Variants in SPTSSB observed in about 807,000 individuals in gnomAD.
The protein encoded by SPTSSB is serine palmitoyltransferase small subunit B.
SPTSSB carries 6 observed loss-of-function variants against 7.7 expected under a neutral mutation model. That is an observed-to-expected ratio of 0.78 (90% confidence interval 0.43 to 1.54). SPTSSB has a LOEUF of 1.54. Ranked by LOEUF, SPTSSB falls within the 40% of genes most tolerant of loss-of-function variation. SPTSSB has a pLI of 0.01. For missense variants in SPTSSB, 91 were observed against 93.0 expected, an observed-to-expected ratio of 0.98 and a Z score of 0.09; for synonymous variants, 28 against 29.7, an observed-to-expected ratio of 0.94 and a Z score of 0.19.
chr3:161,355,919 A>G (rs1468656948), intron 2 of SPTSSB, among the ~76,000 whole-genome samples: 1 of 152,222 alleles, frequency 6.6e-6, no homozygotes, highest in East Asian at 1.9e-4. Context: ...AAACTTTAAA[A>G]CAGTCTGAAT....
At chr3:161,353,449 G>A (rs73878306) in intron 2 of SPTSSB, among the ~76,000 whole-genome samples, 2,902 of 152,132 alleles carry the variant, frequency 0.019, 65 homozygotes, top group East Asian at 0.071. Flanking sequence ...AAATACACAC[G>A]TTTGTAGCCA....
At chr3:161,358,398 T>G (rs1560105618) in intron 2 of SPTSSB, among the ~76,000 whole-genome samples, 1 of 152,114 alleles carries the variant, frequency 6.6e-6, no homozygotes, top group Non-Finnish European at 1.5e-5. Context: ...CTTACTAATT[T>G]TGTGACCCTG....
At chr3:161,351,977 A>T (rs1303934250) in intron 2 of SPTSSB, among the ~76,000 whole-genome samples, 2 of 152,194 alleles carry the variant, frequency 1.3e-5, no homozygotes, top group African/African-American at 4.8e-5. Flanking sequence ...GAGAGAAAAG[A>T]TATAGAATAT....
At chr3:161,359,594 TC>T (rs532615874) in intron 2 of SPTSSB, 160 of 445,144 alleles carry the variant, frequency 3.6e-4, no homozygotes, top group African/African-American at 3.1e-3. Context: ...ACTTGGAATA[TC>T]CGTAAGTTGA....
intron 2 of SPTSSB, among the ~76,000 whole-genome samples, chr3:161,352,264 T>A (rs966522555): frequency 6.6e-6 from 1 of 152,196 alleles, no homozygotes; most frequent in Non-Finnish European, 1.5e-5. Flanking sequence ...TAAATGCCAT[T>A]CATTCTAAAG....
intron 2 of SPTSSB, among the ~76,000 whole-genome samples, chr3:161,350,513 A>G (rs1228498424): frequency 6.6e-6 from 1 of 151,786 alleles, no homozygotes; most frequent in Non-Finnish European, 1.5e-5. Flanking sequence ...TACATCAATC[A>G]CTCAGCTTCA....
chr3:161,361,198 T>C (rs1477281270), intron 1 of SPTSSB, among the ~76,000 whole-genome samples: 1 of 152,050 alleles, frequency 6.6e-6, no homozygotes, highest in Non-Finnish European at 1.5e-5. Flanking sequence ...GAGGAGAAGA[T>C]TTGGAACTGT....
At chr3:161,359,154 A>G (rs1714903569) in intron 2 of SPTSSB, 2 of 152,186 alleles carry the variant, frequency 1.3e-5, no homozygotes, top group Non-Finnish European at 2.9e-5. Flanking sequence ...TATTAAAAAT[A>G]AAGGAACCAG....
rs1341091733 is a variant in SPTSSB at position 161,346,062 on chromosome 3, T to C, written c.*31A>G. ...ATAAGCTGTAAGCAACATATAAATA[T>C]GCAATGCCATTTCACTGAATGTGAA... is the stretch of plus-strand genomic sequence containing the variant. On this transcript the variant is annotated 3_prime_UTR_variant, in exon 3 of 3. Transcript: ENST00000620149. 5 of 1,109,212 alleles carry C rather than the reference T, an allele frequency of 4.5e-6. No individual in the cohort carries two copies. The South Asian group carries it at 6.3e-5, about 14-fold the overall frequency. 68.7% of individuals were successfully genotyped at this position (1,109,212 alleles called of 1,614,324 possible). A position where few individuals can be genotyped will look rare whatever the true frequency, so the allele number is the denominator to read the frequency against.
chr3:161,369,916 T>A (rs1268226601), intron 1 of SPTSSB, among the ~76,000 whole-genome samples: 1 of 152,204 alleles, frequency 6.6e-6, no homozygotes, highest in East Asian at 1.9e-4. Flanking sequence ...AATAAATATT[T>A]TCTTCGTGCT....
chr3:161,354,894 A>G (rs1714698810), intron 2 of SPTSSB, among the ~76,000 whole-genome samples: 1 of 152,224 alleles, frequency 6.6e-6, no homozygotes, highest in Admixed American at 6.5e-5. Flanking sequence ...TTCTCATGAT[A>G]ATATAGAAAA....
intron 1 of SPTSSB, among the ~76,000 whole-genome samples, chr3:161,371,073 A>C (rs1040440939): frequency 2.6e-5 from 4 of 152,320 alleles, no homozygotes; most frequent in African/African-American, 9.6e-5. Context: ...GTATAGGAGC[A>C]CGGAACTAGG....
chr3:161,348,277 CAAAACA>C, intron 2 of SPTSSB, among the ~76,000 whole-genome samples: 1 of 133,540 alleles, frequency 7.5e-6, no homozygotes, highest in Admixed American at 7.7e-5. Context: ...CAAAACAAAA[CAAAACA>C]AAACAAAACA....
intron 2 of SPTSSB, among the ~76,000 whole-genome samples, chr3:161,354,864 G>T (rs1714697501): frequency 6.6e-6 from 1 of 152,098 alleles, no homozygotes; most frequent in South Asian, 2.1e-4. Flanking sequence ...AGAAAATTTG[G>T]AATTCGACTT....
At chr3:161,369,655 A>G (rs419703) in intron 1 of SPTSSB, among the ~76,000 whole-genome samples, 13,225 of 151,248 alleles carry the variant, frequency 0.087, 706 homozygotes, top group East Asian at 0.24. Context: ...GAGCCTCAGA[A>G]CTCTCAGTTG....
intron 2 of SPTSSB, among the ~76,000 whole-genome samples, chr3:161,346,823 T>C (rs1008950725): frequency 6.6e-6 from 1 of 151,888 alleles, no homozygotes; most frequent in Non-Finnish European, 1.5e-5. Context: ...GAGGGAACAA[T>C]ATGTACAAAG....
chr3:161,359,635 C>T, intron 2 of SPTSSB, 167 bp downstream of exon 2: 1 of 719,538 alleles, frequency 1.4e-6, no homozygotes, highest in Non-Finnish European at 1.7e-6. Context: ...CTAATTGCCC[C>T]ATTTTATTCC....
Position 161,346,178 on chromosome 3 carries a change from G to C in SPTSSB, c.146C>G (p.Ala49Gly). ...LTIIAMVVYT[A>G]YVFIPIHIRL... is the part of the protein sequence containing the mutation. ...AATGTGGATTGGAATAAAGACATAG[G>C]CAGTGTATACCACCATAGCAATAAT... The change falls in exon 3 of 3, where the codon GCC becomes GGC. Residue 49 changes from alanine to glycine, a missense_variant. Coordinates refer to ENST00000620149, the MANE Select transcript of SPTSSB (RefSeq NM_001040100.2). 6.2e-7 allele frequency: 1 copy of C among 1,612,600 alleles called. No homozygotes were observed. Among genetic ancestry groups the C allele is most frequent in the Non-Finnish European group, 8.5e-7 (1 of 1,178,642 alleles).
chr3:161,350,608 T>C lies in SPTSSB; in HGVS notation c.-32-4253A>G, dbSNP rs9850424. On this transcript the variant is annotated intron_variant, in intron 2 of 2. Coordinates refer to ENST00000620149, the MANE Select transcript of SPTSSB (RefSeq NM_001040100.2). ...GCCAGTTGCAGAGAGAGATGCTGTA[T>C]CTAAAAAGAGACTCTTTCTGTACTC... Among the ~76,000 whole-genome samples the C allele has an allele frequency of 8.9e-3, 1,355 of 152,224 alleles. 34 individuals are homozygous for C. Among genetic ancestry groups the C allele is most frequent in the Admixed American group, 0.013 (198 of 15,288 alleles).
Sources: allele counts gnomAD v4.1 joint callset (sites outside exome capture counted in the v4.1 genomes callset), GRCh38; gene constraint gnomAD v4.1.1; transcripts MANE v1.5; gene names NCBI Gene and HGNC (gene_info 2026-07-23, HGNC 2026-07-21).